Variants in SHISA9 observed in about 807,000 individuals in gnomAD.
The protein encoded by SHISA9 is protein shisa-9.
In SHISA9, 13 loss-of-function variants were observed where a neutral mutation model predicts 38.0. That is an observed-to-expected ratio of 0.34 (90% CI 0.22 to 0.54). The LOEUF is 0.54. Among genes scored for constraint, SHISA9 ranks in the 20% least tolerant of loss-of-function variants. SHISA9 has a pLI of 0.91. For synonymous variants in SHISA9, 275 were observed against 242.0 expected, an observed-to-expected ratio of 1.14 and a Z score of -1.27; for missense variants, 538 against 575.8, an observed-to-expected ratio of 0.93 and a Z score of 0.67.
chr16:13,174,691 G>A (rs988777235), intron 2 of SHISA9, among the ~76,000 whole-genome samples: 1 of 152,176 alleles, frequency 6.6e-6, no homozygotes, highest in Non-Finnish European at 1.5e-5. Context: ...CATGGGGTGA[G>A]GTGCAGAGGG....
the SHISA9 span, among the ~76,000 whole-genome samples, chr16:13,510,614 G>A: frequency 6.6e-6 from 1 of 152,212 alleles, no homozygotes. Flanking sequence ...CCTGAAAGGA[G>A]TAGGTAATAA....
intron 2 of SHISA9, among the ~76,000 whole-genome samples, chr16:12,970,469 G>GTGTGTA (rs1195519177): frequency 4.2e-5 from 1 of 24,052 alleles, no homozygotes; most frequent in East Asian, 1.2e-3. Context: ...ATATGTGTGT[G>GTGTGTA]TATATATATA....
At chr16:12,981,599 A>G (rs1416038911) in intron 2 of SHISA9, among the ~76,000 whole-genome samples, 2 of 152,182 alleles carry the variant, frequency 1.3e-5, no homozygotes, top group African/African-American at 4.8e-5. Flanking sequence ...GCTCAGCATC[A>G]TGATCAGAGA....
chr16:13,326,578 G>A, the SHISA9 span, among the ~76,000 whole-genome samples: 2 of 152,166 alleles, frequency 1.3e-5, no homozygotes, highest in African/African-American at 2.4e-5. Flanking sequence ...AAACTTAGCT[G>A]GGCGTAGTGT....
At chr16:12,993,821 A>G (rs1202866458) in intron 2 of SHISA9, among the ~76,000 whole-genome samples, 1 of 152,186 alleles carries the variant, frequency 6.6e-6, no homozygotes, top group Non-Finnish European at 1.5e-5. Context: ...TGGAAGGTGA[A>G]TAGGAGGAAG....
intron 2 of SHISA9, among the ~76,000 whole-genome samples, chr16:13,037,992 A>G (rs1160706421): frequency 6.6e-6 from 1 of 151,994 alleles, no homozygotes. Flanking sequence ...TGTTCTGTTT[A>G]ATTGTTTCTT....
chr16:12,956,271 ACT>A (rs1277666820), intron 2 of SHISA9, among the ~76,000 whole-genome samples: 1 of 152,228 alleles, frequency 6.6e-6, no homozygotes, highest in African/African-American at 2.4e-5. Flanking sequence ...ATGTTTATAC[ACT>A]GTTGGTGAGA....
intron 4 of SHISA9, among the ~76,000 whole-genome samples, chr16:13,217,473 T>C (rs1317625177): frequency 6.6e-6 from 1 of 152,192 alleles, no homozygotes; most frequent in African/African-American, 2.4e-5. Flanking sequence ...CAGCATAGAC[T>C]GCAGTGTAAT....
intron 2 of SHISA9, among the ~76,000 whole-genome samples, chr16:13,125,547 G>A (rs1323815901): frequency 6.6e-6 from 1 of 152,146 alleles, no homozygotes; most frequent in African/African-American, 2.4e-5. Flanking sequence ...AGTGTAATTT[G>A]CCACATTCTT....
chr16:13,108,165 G>A (rs1461647561), intron 2 of SHISA9, among the ~76,000 whole-genome samples: 1 of 149,182 alleles, frequency 6.7e-6, no homozygotes, highest in African/African-American at 2.5e-5. Flanking sequence ...GTCTTGCTTT[G>A]TCACCCAAGC....
chr16:13,098,833 A>G (rs997447090), intron 2 of SHISA9, among the ~76,000 whole-genome samples: 20 of 152,196 alleles, frequency 1.3e-4, no homozygotes, highest in Admixed American at 1.0e-3. Flanking sequence ...ATCTGGCTCA[A>G]TCTCTTCCTA....
At chr16:13,386,739 T>G in the SHISA9 span, among the ~76,000 whole-genome samples, 1 of 152,248 alleles carries the variant, frequency 6.6e-6, no homozygotes, top group African/African-American at 2.4e-5. Context: ...CAGCAATATG[T>G]TTTAGATTCC....
the SHISA9 span, among the ~76,000 whole-genome samples, chr16:13,301,490 C>T: frequency 2.0e-5 from 3 of 152,196 alleles, no homozygotes; most frequent in African/African-American, 7.2e-5. Flanking sequence ...TCATATGCAG[C>T]TGCTGGTGCA....
chr16:13,174,874 A>C (rs928430844), intron 2 of SHISA9, among the ~76,000 whole-genome samples: 1 of 152,184 alleles, frequency 6.6e-6, no homozygotes, highest in Non-Finnish European at 1.5e-5. Context: ...ATGTGGGGAA[A>C]GGGTCCCTTA....
At chr16:13,200,451 A>AC (rs1567245554) in intron 2 of SHISA9, among the ~76,000 whole-genome samples, 33 of 115,830 alleles carry the variant, frequency 2.8e-4, no homozygotes, top group African/African-American at 1.2e-3. Flanking sequence ...CAGCAGCAGC[A>AC]GCAGCAGCAG....
chr16:13,432,271 C>T, the SHISA9 span, among the ~76,000 whole-genome samples: 1 of 152,138 alleles, frequency 6.6e-6, no homozygotes, highest in Non-Finnish European at 1.5e-5. Flanking sequence ...TATTCTTTGT[C>T]CCTTTTAGCA....
At chr16:13,014,515 C>G (rs2072717778) in intron 2 of SHISA9, among the ~76,000 whole-genome samples, 1 of 152,182 alleles carries the variant, frequency 6.6e-6, no homozygotes, top group Admixed American at 6.5e-5. Flanking sequence ...ATTTCCTTAT[C>G]TTGGAGATTG....
intron 2 of SHISA9, among the ~76,000 whole-genome samples, chr16:12,925,824 G>C (rs1439030403): frequency 1.3e-5 from 2 of 152,166 alleles, no homozygotes; most frequent in African/African-American, 4.8e-5. Context: ...TGGATTGAAA[G>C]GAGTAATAAA....
the SHISA9 span, among the ~76,000 whole-genome samples, chr16:13,469,302 C>CAGAG: frequency 1.7e-3 from 77 of 46,662 alleles, 1 homozygote; most frequent in African/African-American, 4.3e-3. Context: ...GAAAGAAAGA[C>CAGAG]AGAGAGAGAG....
Sources: gnomAD v4.1 joint callset for allele counts (sites outside exome capture counted in the v4.1 genomes callset) on GRCh38, gnomAD v4.1.1 for gene constraint, MANE v1.5 for transcripts, NCBI Gene and HGNC (gene_info 2026-07-23, HGNC 2026-07-21) for gene names.